PTPRE: variants seen among roughly 807,000 people sequenced by gnomAD.
PTPRE encodes protein tyrosine phosphatase receptor type E.
PTPRE carries 51 observed loss-of-function variants against 102.0 expected under a neutral mutation model. The ratio of observed to expected loss-of-function variants is 0.50; its 90% CI spans 0.40 to 0.63. The LOEUF is 0.63. Among genes scored for constraint, PTPRE ranks in the 30% least tolerant of loss-of-function variants. PTPRE has a pLI of 0.00. For synonymous variants in PTPRE, 345 were observed against 348.2 expected (o/e 0.99, Z 0.10); for missense variants, 752 against 915.1 (o/e 0.82, Z 2.30).
intron 2 of PTPRE, among the ~76,000 whole-genome samples, chr10:128,030,516 T>A (rs1296285846): frequency 6.6e-6 from 1 of 152,160 alleles, no homozygotes; most frequent in East Asian, 1.9e-4. Flanking sequence ...CGTGAGTTGA[T>A]GTGCTGGAGA....
At chr10:127,961,659 G>T (rs1465043365) in intron 1 of PTPRE, among the ~76,000 whole-genome samples, 1 of 152,168 alleles carries the variant, frequency 6.6e-6, no homozygotes, top group Non-Finnish European at 1.5e-5. Context: ...AAAGCGGGCC[G>T]CTAGGACTGG....
At chr10:128,079,802 G>A (rs930477160) in intron 20 of PTPRE, 107 bp downstream of exon 20, 1 of 1,367,882 alleles carries the variant, frequency 7.3e-7, no homozygotes. Context: ...AGGTGGGAAG[G>A]TAAAATTCCC....
chr10:128,079,785 A>G (rs1851542868), intron 20 of PTPRE, 90 bp downstream of exon 20: 3 of 1,458,152 alleles, frequency 2.1e-6, no homozygotes, highest in Admixed American at 4.0e-5. Context: ...CCTTAAGTAC[A>G]TGGGGGAGGT....
At chr10:128,019,731 G>T (rs567627378) in intron 2 of PTPRE, among the ~76,000 whole-genome samples, 1 of 152,186 alleles carries the variant, frequency 6.6e-6, no homozygotes, top group South Asian at 2.1e-4. Flanking sequence ...TCTGTTGGGC[G>T]GGGAGCTCAG....
At chr10:128,018,044 C>T (rs75921641) in intron 2 of PTPRE, among the ~76,000 whole-genome samples, 8,915 of 152,304 alleles carry the variant, frequency 0.059, 390 homozygotes, top group Middle Eastern at 0.12. Context: ...GGGCTTCTCA[C>T]GCCCACAACA....
intron 1 of PTPRE, among the ~76,000 whole-genome samples, chr10:127,923,585 G>T (rs1425326038): frequency 6.6e-6 from 1 of 151,908 alleles, no homozygotes; most frequent in Non-Finnish European, 1.5e-5. Context: ...TGTATTTTTA[G>T]TAAGGACTGG....
At chr10:127,979,867 G>T (rs938383352) in intron 1 of PTPRE, among the ~76,000 whole-genome samples, 4 of 152,250 alleles carry the variant, frequency 2.6e-5, no homozygotes, top group East Asian at 1.9e-4. Context: ...CTTCTGCATG[G>T]CATTGGGTTT....
Position 128,068,298 on chromosome 10 carries a change from G to A in PTPRE, c.1007+12G>A, listed in dbSNP as rs1850456332. On this transcript the variant is annotated intron_variant, in intron 12 of 20. Coordinates refer to ENST00000254667, the MANE Select transcript of PTPRE (RefSeq NM_006504.6). ...GTGGTCCACTGTAGGTACGCTGTGG[G>A]GGCCACGGGGCGGGACCCTCAAGGG... The A allele has an allele frequency of 1.2e-6, 2 of 1,606,106 alleles. No individual in the cohort carries two copies. The highest frequency in any genetic ancestry group is 1.7e-6 in the Non-Finnish European group (2 of 1,174,878).
intron 2 of PTPRE, among the ~76,000 whole-genome samples, chr10:128,002,497 G>A (rs916673848): frequency 3.3e-5 from 5 of 152,124 alleles, no homozygotes; most frequent in Admixed American, 6.5e-5. Context: ...GCAGCAGTGC[G>A]TAGGTAGGCA....
At chr10:127,919,919 AT>A (rs1429616790) in intron 1 of PTPRE, among the ~76,000 whole-genome samples, 1,869 of 145,316 alleles carry the variant, frequency 0.013, 36 homozygotes, top group African/African-American at 0.038. Context: ...TTAGCAGTGG[AT>A]TTTTTTTTTT....
At chr10:128,071,983 A>G in intron 15 of PTPRE, 155 bp from the exon 16 acceptor site, 1 of 583,292 alleles carries the variant, frequency 1.7e-6, no homozygotes, top group Non-Finnish European at 3.0e-6. Context: ...GAGCCACTTT[A>G]ATTATCGTCT....
At chr10:128,024,709 C>A (rs1230102346) in intron 2 of PTPRE, among the ~76,000 whole-genome samples, 1 of 152,206 alleles carries the variant, frequency 6.6e-6, no homozygotes. Flanking sequence ...AGCATCTGGG[C>A]CTGCCCAGTC....
intron 1 of PTPRE, chr10:127,965,127 T>C (rs952887157): frequency 1.1e-5 from 4 of 373,288 alleles, no homozygotes; most frequent in Admixed American, 3.2e-5. Context: ...AGTTGGCTTT[T>C]TTACTTCTTA....
At chr10:127,919,852 C>A (rs998641161) in intron 1 of PTPRE, among the ~76,000 whole-genome samples, 2 of 151,950 alleles carry the variant, frequency 1.3e-5, no homozygotes, top group African/African-American at 2.4e-5. Context: ...AATACACATC[C>A]TGAATGAATG....
chr10:128,041,390 C>T (rs529254661), intron 3 of PTPRE, among the ~76,000 whole-genome samples: 1 of 152,176 alleles, frequency 6.6e-6, no homozygotes, highest in Non-Finnish European at 1.5e-5. Context: ...TGGCTCATAC[C>T]TGTAATCCCA....
chr10:127,964,817 T>C, intron 1 of PTPRE: 1 of 291,534 alleles, frequency 3.4e-6, no homozygotes, highest in Non-Finnish European at 6.9e-6. Context: ...CATGAACAGT[T>C]TCATTTTCAG....
intron 1 of PTPRE, among the ~76,000 whole-genome samples, chr10:127,975,139 G>A (rs968956217): frequency 6.6e-6 from 1 of 152,176 alleles, no homozygotes; most frequent in Non-Finnish European, 1.5e-5. Flanking sequence ...GAGGCTTTGT[G>A]GGACAGGGAG....
At chr10:127,908,074 C>T (rs528159238) in intron 1 of PTPRE, among the ~76,000 whole-genome samples, 222 of 152,316 alleles carry the variant, frequency 1.5e-3, no homozygotes, top group African/African-American at 5.2e-3. Context: ...CTGGACCTGA[C>T]CTAAATTCCT....
At chr10:128,066,972 GCA>G (rs1356799677) in intron 11 of PTPRE, among the ~76,000 whole-genome samples, 1 of 116,910 alleles carries the variant, frequency 8.6e-6, no homozygotes, top group East Asian at 2.3e-4. Context: ...GCATACACAT[GCA>G]CACACACCCA....
Sources: gnomAD v4.1 joint callset for allele counts (sites outside exome capture counted in the v4.1 genomes callset) on GRCh38, gnomAD v4.1.1 for gene constraint, MANE v1.5 for transcripts, NCBI Gene and HGNC (gene_info 2026-07-23, HGNC 2026-07-21) for gene names.